ERC2: variants seen among roughly 807,000 people sequenced by gnomAD.
The protein encoded by ERC2 is ELKS/RAB6-interacting/CAST family member 2.
Under a neutral mutation model 114.8 loss-of-function variants are expected in ERC2, and 42 were observed. That is an observed-to-expected ratio of 0.37 (90% CI 0.29 to 0.47). ERC2 has a LOEUF of 0.47. ERC2 is among the 20% of genes least tolerant of loss of function. ERC2 has a pLI of 0.99. For synonymous variants in ERC2, 454 were observed against 425.5 expected (o/e 1.07, Z -0.82); for missense variants, 939 against 1,150.7 (o/e 0.82, Z 2.66).
chr3:56,025,945 G>A (rs529487653), intron 7 of ERC2, among the ~76,000 whole-genome samples: 39 of 151,904 alleles, frequency 2.6e-4, no homozygotes, highest in Admixed American at 4.6e-4. Flanking sequence ...ACTCTAACAG[G>A]ATGTGTAACA....
At chr3:56,325,013 C>T (rs2057293676) in intron 2 of ERC2, among the ~76,000 whole-genome samples, 1 of 151,982 alleles carries the variant, frequency 6.6e-6, no homozygotes, top group Non-Finnish European at 1.5e-5. Context: ...TACATTAAGA[C>T]CCCCACATAT....
intron 14 of ERC2, among the ~76,000 whole-genome samples, chr3:55,758,445 T>A (rs1209834840): frequency 6.6e-6 from 1 of 152,186 alleles, no homozygotes; most frequent in Non-Finnish European, 1.5e-5. Context: ...TCAGAACCAC[T>A]TCTTCTCTGA....
At chr3:55,701,101 C>G (rs2063202194) in intron 15 of ERC2, among the ~76,000 whole-genome samples, 1 of 152,178 alleles carries the variant, frequency 6.6e-6, no homozygotes, top group African/African-American at 2.4e-5. Context: ...AGCCTCCAAC[C>G]AGTTGGAGTT....
At chr3:55,584,788 G>T (rs1201642412) in intron 17 of ERC2, among the ~76,000 whole-genome samples, 1 of 152,172 alleles carries the variant, frequency 6.6e-6, no homozygotes, top group African/African-American at 2.4e-5. Flanking sequence ...GAACTGAGAA[G>T]ATTGACAGGG....
intron 3 of ERC2, among the ~76,000 whole-genome samples, chr3:56,217,077 G>A (rs144287836): frequency 1.1e-3 from 161 of 152,266 alleles, no homozygotes; most frequent in African/African-American, 3.7e-3. Flanking sequence ...TTTTAAAACT[G>A]GCACAAGACA....
intron 3 of ERC2, among the ~76,000 whole-genome samples, chr3:56,285,013 A>T (rs6772118): frequency 0.12 from 8,308 of 69,332 alleles, 496 homozygotes; most frequent in African/African-American, 0.22. Context: ...TCTCTCTCTC[A>T]CACACACACA....
chr3:55,560,362 A>G (rs1174338124), intron 17 of ERC2, among the ~76,000 whole-genome samples: 1 of 152,204 alleles, frequency 6.6e-6, no homozygotes, highest in African/African-American at 2.4e-5. Context: ...AGGTTTCTCA[A>G]CTGCAGTACT....
chr3:55,597,179 G>A (rs2058180115), intron 17 of ERC2, among the ~76,000 whole-genome samples: 1 of 152,148 alleles, frequency 6.6e-6, no homozygotes, highest in Non-Finnish European at 1.5e-5. Context: ...CCAGCACTTT[G>A]GGAGGCCGAG....
chr3:56,029,876 T>C (rs568713403), intron 7 of ERC2, among the ~76,000 whole-genome samples: 1 of 152,270 alleles, frequency 6.6e-6, no homozygotes, highest in South Asian at 2.1e-4. Flanking sequence ...CGGTTTATTT[T>C]GTTCTTCTGG....
At chr3:56,259,941 C>T (rs923183415) in intron 3 of ERC2, among the ~76,000 whole-genome samples, 5 of 152,182 alleles carry the variant, frequency 3.3e-5, no homozygotes, top group African/African-American at 9.7e-5. Context: ...AGAGATGGAA[C>T]CCCCGATAGG....
At chr3:56,446,621 T>TTTC (rs1178289555) in intron 1 of ERC2, among the ~76,000 whole-genome samples, 5 of 116,408 alleles carry the variant, frequency 4.3e-5, no homozygotes, top group African/African-American at 1.1e-4. Flanking sequence ...CTTTTTTTTT[T>TTTC]TTTCTTTCTT....
intron 16 of ERC2, among the ~76,000 whole-genome samples, chr3:55,691,556 AAAAAAAAAAAAAAAAAAATATAT>A (rs1466845848): frequency 1.6e-4 from 5 of 30,846 alleles, no homozygotes; most frequent in Admixed American, 5.9e-4. Flanking sequence ...AAAAAAAAAA[AAAAAAAAAAAAAAAAAAATATAT>A]ATATATATAT....
chr3:56,244,812 C>A (rs1284310146), intron 3 of ERC2, among the ~76,000 whole-genome samples: 1 of 152,200 alleles, frequency 6.6e-6, no homozygotes, highest in Admixed American at 6.5e-5. Flanking sequence ...TCACTCACCA[C>A]TCACTCACTG....
chr3:55,579,152 A>G (rs758100915), intron 17 of ERC2, among the ~76,000 whole-genome samples: 2 of 152,252 alleles, frequency 1.3e-5, no homozygotes, highest in Non-Finnish European at 2.9e-5. Flanking sequence ...GCATGCATAT[A>G]GGAATCCTGA....
intron 2 of ERC2, among the ~76,000 whole-genome samples, chr3:56,356,824 C>T (rs373494975): frequency 6.6e-6 from 1 of 152,306 alleles, no homozygotes; most frequent in South Asian, 2.1e-4. Context: ...CCCAACATTT[C>T]ACATAACTGA....
intron 2 of ERC2, among the ~76,000 whole-genome samples, chr3:56,343,707 C>A (rs1313083859): frequency 6.6e-6 from 1 of 152,190 alleles, no homozygotes; most frequent in Non-Finnish European, 1.5e-5. Context: ...GAGGACCAAA[C>A]GTGTCTGGCT....
intron 17 of ERC2, among the ~76,000 whole-genome samples, chr3:55,673,209 C>T (rs1323617573): frequency 6.6e-6 from 1 of 152,196 alleles, no homozygotes; most frequent in Non-Finnish European, 1.5e-5. Flanking sequence ...GGGGGAAACA[C>T]TGTTAGCCCT....
intron 12 of ERC2, among the ~76,000 whole-genome samples, chr3:55,956,565 T>G (rs752328309): frequency 6.6e-6 from 1 of 152,170 alleles, no homozygotes; most frequent in Non-Finnish European, 1.5e-5. Context: ...CTAAATGTCA[T>G]GAGCATGATA....
intron 12 of ERC2, among the ~76,000 whole-genome samples, chr3:55,970,300 A>T (rs541603309): frequency 3.0e-4 from 45 of 152,198 alleles, no homozygotes; most frequent in Middle Eastern, 6.8e-3. Context: ...ACAACTTATT[A>T]AAAAAATTTA....
Sources: allele counts gnomAD v4.1 joint callset (sites outside exome capture counted in the v4.1 genomes callset), GRCh38; gene constraint gnomAD v4.1.1; transcripts MANE v1.5; gene names NCBI Gene and HGNC (gene_info 2026-07-23, HGNC 2026-07-21).